Variants in MALRD1 observed in about 807,000 individuals in gnomAD.
MALRD1 encodes the protein MAM and LDL receptor class A domain containing 1, also known as MAM and LDL-receptor class A domain-containing protein 1.
A neutral mutation model predicts 242.1 loss-of-function variants in MALRD1; 247 were observed. The ratio of observed to expected loss-of-function variants is 1.02; its 90% CI spans 0.92 to 1.13. The LOEUF (loss-of-function observed/expected upper bound fraction) is 1.13, where lower values mean the gene tolerates loss of function less well. Among genes scored for constraint, MALRD1 ranks in the 50% most tolerant of loss-of-function variants. The pLI, the probability that MALRD1 is intolerant of heterozygous loss-of-function variation, is 0.00. For synonymous variants in MALRD1, 995 were observed against 866.6 expected, an observed-to-expected ratio of 1.15 and a Z score of -2.60; for missense variants, 2,989 against 2,533.1, an observed-to-expected ratio of 1.18 and a Z score of -3.86.
chr10:19,622,680 TAGCTATGAGA>T (rs1159998340), intron 36 of MALRD1, among the ~76,000 whole-genome samples: 1 of 149,376 alleles, frequency 6.7e-6, no homozygotes, highest in East Asian at 2.0e-4. Flanking sequence ...AGAATCTGAG[TAGCTATGAGA>T]AGCTATGAGA....
At chr10:19,136,860 A>C in intron 10 of MALRD1, 79 bp downstream of exon 10, 1 of 999,606 alleles carries the variant, frequency 1.0e-6, no homozygotes, top group Non-Finnish European at 1.3e-6. Flanking sequence ...CTTTGTTTCT[A>C]TCAAGGCAAA....
intron 32 of MALRD1, among the ~76,000 whole-genome samples, chr10:19,560,602 C>T (rs1190313578): frequency 6.6e-6 from 1 of 152,074 alleles, no homozygotes; most frequent in Non-Finnish European, 1.5e-5. Context: ...GAAAATGTGG[C>T]ACATATACAC....
chr10:19,585,109 C>G (rs965777116), intron 33 of MALRD1, among the ~76,000 whole-genome samples: 2 of 152,020 alleles, frequency 1.3e-5, no homozygotes, highest in Admixed American at 1.3e-4. Context: ...TATTTTGTGC[C>G]TATGTGTGTC....
At chr10:19,567,222 C>A (rs1349384720) in intron 32 of MALRD1, among the ~76,000 whole-genome samples, 2 of 152,084 alleles carry the variant, frequency 1.3e-5, no homozygotes, top group Non-Finnish European at 2.9e-5. Flanking sequence ...ATATCTCCTC[C>A]AGCTTTTTAA....
At chr10:19,084,477 G>A (rs925129804) in intron 2 of MALRD1, among the ~76,000 whole-genome samples, 4 of 151,246 alleles carry the variant, frequency 2.6e-5, no homozygotes, top group Non-Finnish European at 3.0e-5. Context: ...CTCCTTTTTT[G>A]AATTCCTTTG....
At chr10:19,682,403 G>C (rs1423524940) in intron 36 of MALRD1, among the ~76,000 whole-genome samples, 1 of 152,336 alleles carries the variant, frequency 6.6e-6, no homozygotes, top group East Asian at 1.9e-4. Context: ...AGACCTGTTA[G>C]AATTTAAGAA....
At chr10:19,095,526 T>G (rs535594620) in intron 4 of MALRD1, among the ~76,000 whole-genome samples, 1 of 152,286 alleles carries the variant, frequency 6.6e-6, no homozygotes, top group Admixed American at 6.5e-5. Flanking sequence ...TATCAACAAT[T>G]CATTCATTCA....
chr10:19,576,389 T>C (rs1836827218), intron 33 of MALRD1, among the ~76,000 whole-genome samples: 1 of 152,192 alleles, frequency 6.6e-6, no homozygotes, highest in South Asian at 2.1e-4. Flanking sequence ...TTATTCTCAT[T>C]GTATCAGAAT....
At chr10:19,099,803 T>C (rs142577850) in intron 4 of MALRD1, among the ~76,000 whole-genome samples, 1 of 151,568 alleles carries the variant, frequency 6.6e-6, no homozygotes, top group East Asian at 1.9e-4. Context: ...TCTCACTCTG[T>C]CACCCAGGTT....
At chr10:19,559,132 G>A (rs982702198) in intron 32 of MALRD1, among the ~76,000 whole-genome samples, 2 of 151,892 alleles carry the variant, frequency 1.3e-5, no homozygotes, top group African/African-American at 4.8e-5. Context: ...GCAGTGAGCC[G>A]AGATAGTACC....
At chr10:19,612,746 G>GGAGA (rs144189668) in intron 35 of MALRD1, among the ~76,000 whole-genome samples, 1 of 151,790 alleles carries the variant, frequency 6.6e-6, no homozygotes, top group Admixed American at 6.6e-5. Context: ...TTGGCCGGCA[G>GGAGA]GAGAGAGAGA....
chr10:19,257,793 TG>T lies in MALRD1; in HGVS notation c.3079+26del, dbSNP rs1229881791. 5 of 1,423,524 alleles carry T rather than the reference TG, an allele frequency of 3.5e-6. No homozygotes were observed. The African/African-American group carries it at 7.2e-5, about 21-fold the overall frequency. The allele number at this position is 1,423,524 out of a possible 1,614,324, so 88.2% of individuals were successfully genotyped here. A position where few individuals can be genotyped will look rare whatever the true frequency, so the allele number is the denominator to read the frequency against. ...CCTGGTAAGAGAGAACATTTCAATT[TG>T]GGGTTATTTCTAAATCTGTTTACTT... On this transcript the variant is annotated intron_variant, in intron 19 of 39. Transcript: ENST00000454679.
chr10:19,493,320 T>A (rs1837571075), intron 30 of MALRD1: 2 of 152,106 alleles, frequency 1.3e-5, no homozygotes, highest in African/African-American at 4.8e-5. Flanking sequence ...TCAAGGTTCG[T>A]TTCATATTTT....
intron 28 of MALRD1, among the ~76,000 whole-genome samples, chr10:19,392,628 C>G (rs532464519): frequency 6.6e-6 from 1 of 152,034 alleles, no homozygotes; most frequent in Non-Finnish European, 1.5e-5. Flanking sequence ...ATGAGAATTG[C>G]TTTTCATTAG....
At chr10:19,195,851 A>G (rs1324803384) in intron 14 of MALRD1, among the ~76,000 whole-genome samples, 2 of 151,930 alleles carry the variant, frequency 1.3e-5, no homozygotes, top group African/African-American at 2.4e-5. Flanking sequence ...CCCAGCAAGC[A>G]CATGCAATTT....
intron 26 of MALRD1, among the ~76,000 whole-genome samples, chr10:19,361,374 A>G (rs1382460115): frequency 6.6e-6 from 1 of 152,088 alleles, no homozygotes; most frequent in African/African-American, 2.4e-5. Context: ...TCAGCAAAGA[A>G]CATGGTAGAA....
chr10:19,456,002 C>T (rs1589108150), intron 29 of MALRD1, among the ~76,000 whole-genome samples: 1 of 152,100 alleles, frequency 6.6e-6, no homozygotes, highest in Non-Finnish European at 1.5e-5. Context: ...AACCCAGGAC[C>T]TCAGGGTAGA....
At chr10:19,432,356 A>G (rs1834167830) in intron 28 of MALRD1, among the ~76,000 whole-genome samples, 1 of 152,210 alleles carries the variant, frequency 6.6e-6, no homozygotes, top group Non-Finnish European at 1.5e-5. Context: ...ACATTTGTGC[A>G]ATTTAGTTAT....
At chr10:19,351,003 A>G (rs1016140984) in intron 25 of MALRD1, among the ~76,000 whole-genome samples, 1 of 152,180 alleles carries the variant, frequency 6.6e-6, no homozygotes, top group Non-Finnish European at 1.5e-5. Context: ...GGGTCATAGA[A>G]TAATAATTAA....
Sources: allele counts gnomAD v4.1 joint callset (sites outside exome capture counted in the v4.1 genomes callset), GRCh38; gene constraint gnomAD v4.1.1; transcripts MANE v1.5; gene names NCBI Gene and HGNC (gene_info 2026-07-23, HGNC 2026-07-21).